Variants in GABRG1 observed in about 807,000 individuals in gnomAD.
GABRG1 encodes gamma-aminobutyric acid type A receptor subunit gamma1.
In GABRG1, 49 loss-of-function variants were observed where a neutral mutation model predicts 49.8. The observed-to-expected ratio is 0.98, with a 90% CI of 0.78 to 1.25. The LOEUF is 1.25. Ranked by LOEUF, GABRG1 falls within the 50% of genes most tolerant of loss-of-function variation. GABRG1 has a pLI of 0.00. For missense variants in GABRG1, 552 were observed against 552.3 expected, an observed-to-expected ratio of 1.00 and a Z score of 0.01; for synonymous variants, 232 against 185.1, an observed-to-expected ratio of 1.25 and a Z score of -2.06.
At chr4:46,071,254 A>G (rs1719106572) in intron 3 of GABRG1, among the ~76,000 whole-genome samples, 1 of 151,902 alleles carries the variant, frequency 6.6e-6, no homozygotes, top group Non-Finnish European at 1.5e-5. Context: ...TTACCATACA[A>G]TAATTTCTAT....
chr4:46,111,177 A>T (rs757709320), intron 1 of GABRG1, among the ~76,000 whole-genome samples: 1 of 151,088 alleles, frequency 6.6e-6, no homozygotes, highest in East Asian at 2.0e-4. Flanking sequence ...AATGTTTAAA[A>T]CTCAGTAGAA....
intron 1 of GABRG1, among the ~76,000 whole-genome samples, chr4:46,108,688 C>T (rs963629399): frequency 1.3e-5 from 2 of 150,724 alleles, no homozygotes; most frequent in African/African-American, 4.9e-5. Flanking sequence ...TAAGTTAGCA[C>T]TCAATTATTA....
chr4:46,120,492 T>G (rs1577675326), intron 1 of GABRG1, among the ~76,000 whole-genome samples: 1 of 151,730 alleles, frequency 6.6e-6, no homozygotes, highest in African/African-American at 2.4e-5. Flanking sequence ...GTTTTATCAA[T>G]TACGACATTT....
intron 3 of GABRG1, among the ~76,000 whole-genome samples, chr4:46,077,381 T>C (rs748075823): frequency 2.2e-4 from 34 of 151,954 alleles, no homozygotes; most frequent in Non-Finnish European, 4.1e-4. Context: ...ACAGTGAGGT[T>C]AATAAAGCAT....
chr4:46,123,793 C>T lies in GABRG1; in HGVS notation c.104+17G>A, dbSNP rs752282109. 1.3e-6 allele frequency: 2 copies of T among 1,579,104 alleles called. No homozygotes were observed. The highest frequency in any genetic ancestry group is 1.3e-5 in the African/African-American group (1 of 74,146). On this transcript the variant is annotated intron_variant, in intron 1 of 8. Transcript: ENST00000295452. ...GTAGATAGCAAAGAATAGTTTTAAACCCCTGAATTTACTCACCAGTTTCCC... is the reference window on the plus strand; with the variant it reads ...GTAGATAGCAAAGAATAGTTTTAAATCCCTGAATTTACTCACCAGTTTCCC...
Position 46,039,231 on chromosome 4 carries a change from G to C in GABRG1, c.*1757C>G, listed in dbSNP as rs1455367012. 2 of 151,150 alleles carry C rather than the reference G, an allele frequency of 1.3e-5. No individual in the cohort carries two copies. The highest frequency in any genetic ancestry group is 3.0e-5 in the Non-Finnish European group (2 of 67,674). The allele number at this position is 151,150 out of a possible 1,614,324, so 9.4% of individuals were successfully genotyped here. A position where few individuals can be genotyped will look rare whatever the true frequency, so the allele number is the denominator to read the frequency against. ...TGAATATATAGATGGCCAAAGTTTA[G>C]TTTGGCTGTTCATTCAAGAAAAGCA... On this transcript the variant is annotated 3_prime_UTR_variant, in exon 9 of 9. Coordinates refer to ENST00000295452, the MANE Select transcript of GABRG1 (RefSeq NM_173536.4).
At chr4:46,073,875 T>C (rs959787003) in intron 3 of GABRG1, among the ~76,000 whole-genome samples, 1 of 152,136 alleles carries the variant, frequency 6.6e-6, no homozygotes, top group African/African-American at 2.4e-5. Context: ...TTTCAAAATA[T>C]CTTACTGTAC....
At chr4:46,105,938 A>G (rs973461349) in intron 1 of GABRG1, among the ~76,000 whole-genome samples, 4 of 151,402 alleles carry the variant, frequency 2.6e-5, no homozygotes, top group Non-Finnish European at 5.9e-5. Context: ...ATTTCAACCA[A>G]TTAGATGGCT....
chr4:46,090,996 G>A (rs1050136756), intron 2 of GABRG1, among the ~76,000 whole-genome samples: 3 of 131,154 alleles, frequency 2.3e-5, no homozygotes, highest in Admixed American at 1.5e-4. Context: ...ACACACACAC[G>A]GAATTTAATC....
intron 1 of GABRG1, among the ~76,000 whole-genome samples, chr4:46,112,469 C>T (rs1487499332): frequency 6.6e-6 from 1 of 151,342 alleles, no homozygotes; most frequent in African/African-American, 2.4e-5. Context: ...TTCAACCCAG[C>T]AATCCCATTA....
intron 2 of GABRG1, among the ~76,000 whole-genome samples, chr4:46,088,191 C>A (rs955212585): frequency 1.3e-5 from 2 of 151,900 alleles, no homozygotes; most frequent in Non-Finnish European, 2.9e-5. Context: ...TGTTTGTGTT[C>A]GTCACAAAAA....
At chr4:46,079,964 G>A (rs1167768883) in intron 3 of GABRG1, among the ~76,000 whole-genome samples, 1 of 151,828 alleles carries the variant, frequency 6.6e-6, no homozygotes, top group Non-Finnish European at 1.5e-5. Flanking sequence ...ATTGAAGATA[G>A]TTATAATCAA....
chr4:46,121,774 T>A (rs1375666968), intron 1 of GABRG1, among the ~76,000 whole-genome samples: 2 of 152,212 alleles, frequency 1.3e-5, no homozygotes, highest in African/African-American at 4.8e-5. Context: ...GAACAACAGC[T>A]TATAAATATA....
At chr4:46,075,309 T>C (rs1719286496) in intron 3 of GABRG1, among the ~76,000 whole-genome samples, 1 of 152,042 alleles carries the variant, frequency 6.6e-6, no homozygotes, top group South Asian at 2.1e-4. Flanking sequence ...ATTCTTTTTG[T>C]TAATTTTTAA....
intron 7 of GABRG1, among the ~76,000 whole-genome samples, chr4:46,052,176 G>T (rs918333731): frequency 2.0e-4 from 30 of 151,506 alleles, no homozygotes; most frequent in African/African-American, 7.0e-4. Flanking sequence ...ACAGGAGAAA[G>T]CCAGAAGGAG....
chr4:46,096,448 C>A (rs1160751417), intron 2 of GABRG1, among the ~76,000 whole-genome samples: 1 of 151,232 alleles, frequency 6.6e-6, no homozygotes, highest in Non-Finnish European at 1.5e-5. Flanking sequence ...GCAAGAAATT[C>A]ACTGCCCATA....
In GABRG1 at chr4:46,036,830, G is replaced by A. The variant is rs541475943; in HGVS notation, c.*4158C>T. The A allele has an allele frequency of 6.6e-6, 1 of 152,010 alleles. No individual in the cohort carries two copies. The highest frequency in any genetic ancestry group is 2.1e-4 in the South Asian group (1 of 4,824). The allele number at this position is 152,010 out of a possible 1,614,324, so 9.4% of individuals were successfully genotyped here. A position where few individuals can be genotyped will look rare whatever the true frequency, so the allele number is the denominator to read the frequency against. On this transcript the variant is annotated 3_prime_UTR_variant, in exon 9 of 9. Transcript: ENST00000295452. ...ATCTTTTGTACTCAAGTATCTCTGT[G>A]AACTTTTTATGACTTCGTAATTTCC... is the stretch of plus-strand genomic sequence containing the variant.
intron 1 of GABRG1, among the ~76,000 whole-genome samples, chr4:46,099,386 G>A (rs1720301271): frequency 6.6e-6 from 1 of 151,700 alleles, no homozygotes; most frequent in African/African-American, 2.4e-5. Context: ...CACTCTCAGA[G>A]TGAAGGTGAC....
chr4:46,121,143 C>A (rs535631052), intron 1 of GABRG1, among the ~76,000 whole-genome samples: 6 of 151,748 alleles, frequency 4.0e-5, no homozygotes, highest in Admixed American at 2.0e-4. Flanking sequence ...GGAAACTAAG[C>A]ATTACAACTG....
Sources: allele counts gnomAD v4.1 joint callset (sites outside exome capture counted in the v4.1 genomes callset), GRCh38; gene constraint gnomAD v4.1.1; transcripts MANE v1.5; gene names NCBI Gene and HGNC (gene_info 2026-07-23, HGNC 2026-07-21).